Variants in LARP4B observed in about 807,000 individuals in gnomAD.
LARP4B encodes the protein La ribonucleoprotein 4B.
Under a neutral mutation model 89.8 loss-of-function variants are expected in LARP4B, and 12 were observed. The ratio of observed to expected loss-of-function variants is 0.13; its 90% CI spans 0.09 to 0.22. LARP4B has a LOEUF of 0.22. Ranked by LOEUF, LARP4B falls within the 10% of genes least tolerant of loss-of-function variation. The pLI is 1.00. For missense variants in LARP4B, 757 were observed against 947.7 expected, an observed-to-expected ratio of 0.80 and a Z score of 2.64; for synonymous variants, 367 against 363.3, an observed-to-expected ratio of 1.01 and a Z score of -0.12.
the LARP4B span, chr10:987,042 A>C: frequency 6.6e-6 from 1 of 152,256 alleles, no homozygotes; most frequent in Admixed American, 6.5e-5. Flanking sequence ...GGAACTGGCT[A>C]TATCAGAGTG....
At chr10:879,523 G>T (rs1835587160) in intron 3 of LARP4B, among the ~76,000 whole-genome samples, 1 of 152,138 alleles carries the variant, frequency 6.6e-6, no homozygotes, top group Non-Finnish European at 1.5e-5. Flanking sequence ...TTAGAGACAG[G>T]GTCTCCCTCT....
chr10:887,109 C>A (rs896668844), intron 1 of LARP4B, among the ~76,000 whole-genome samples: 12 of 150,228 alleles, frequency 8.0e-5, no homozygotes, highest in Admixed American at 1.3e-4. Flanking sequence ...CACACACACA[C>A]AAAATGGTGA....
At chr10:877,107 CA>C (rs1448385131) in intron 3 of LARP4B, among the ~76,000 whole-genome samples, 1 of 152,202 alleles carries the variant, frequency 6.6e-6, no homozygotes, top group Non-Finnish European at 1.5e-5. Context: ...GCTCATCTAC[CA>C]AAACCCTTCT....
At chr10:879,440 A>G (rs149889404) in intron 3 of LARP4B, among the ~76,000 whole-genome samples, 3 of 152,376 alleles carry the variant, frequency 2.0e-5, no homozygotes, top group Non-Finnish European at 4.4e-5. Flanking sequence ...ACATAGTAAC[A>G]AACATATTTC....
At chr10:851,675 T>C (rs1484840046) in intron 5 of LARP4B, among the ~76,000 whole-genome samples, 1 of 152,092 alleles carries the variant, frequency 6.6e-6, no homozygotes, top group Non-Finnish European at 1.5e-5. Flanking sequence ...ATAGACCAAA[T>C]CTTTGTAACT....
chr10:917,030 T>A (rs541076881), intron 1 of LARP4B, among the ~76,000 whole-genome samples: 77 of 152,264 alleles, frequency 5.1e-4, no homozygotes, highest in Middle Eastern at 3.4e-3. Context: ...TTCTGATAAT[T>A]TTGAAGACCA....
At chr10:883,078 GAA>G (rs1289114367) in intron 3 of LARP4B, among the ~76,000 whole-genome samples, 1 of 152,230 alleles carries the variant, frequency 6.6e-6, no homozygotes, top group Non-Finnish European at 1.5e-5. Flanking sequence ...ATGTTGGACT[GAA>G]AGTCAACCAC....
rs980697573 is a variant in LARP4B, at chr10:813,178, C to T, written c.1965G>A (p.Gln655=). Residue 655 remains glutamine (Q), a synonymous_variant, in exon 18 of 18, where the codon CAG becomes CAA. Transcript: ENST00000316157. ...LRKPSYAEIC[Q]RTSKEPPSSP... is the part of the protein sequence containing the mutation. ...AAGAAGGAGGCTCTTTACTCGTTCT[C>T]TGACAAATCTCTGCGTAGCTGGGCT... is the stretch of plus-strand genomic sequence containing the variant. 5.6e-6 allele frequency: 9 copies of T among 1,613,140 alleles called. No individual in the cohort carries two copies. The highest frequency in any genetic ancestry group is 6.8e-6 in the Non-Finnish European group (8 of 1,179,788).
the LARP4B span, among the ~76,000 whole-genome samples, chr10:954,714 C>T: frequency 5.9e-5 from 9 of 152,220 alleles, no homozygotes; most frequent in South Asian, 6.2e-4. This position sits in a 1 kb window ranked among gnomAD's most constrained non-coding sequence, Gnocchi z 5.0. Context: ...ACTGCTGGTG[C>T]GACACATGCA....
intron 5 of LARP4B, among the ~76,000 whole-genome samples, chr10:848,934 A>C (rs1457322690): frequency 2.0e-5 from 3 of 152,220 alleles, no homozygotes; most frequent in Non-Finnish European, 4.4e-5. Flanking sequence ...TGACTTTTAA[A>C]TAAAAATAAA....
upstream of LARP4B, among the ~76,000 whole-genome samples, chr10:934,427 C>T (rs1172390875): frequency 1.3e-5 from 2 of 151,956 alleles, no homozygotes; most frequent in Admixed American, 1.3e-4. Context: ...GAGGTTGAGG[C>T]TGCAGTGAGC....
intron 1 of LARP4B, among the ~76,000 whole-genome samples, chr10:891,292 C>T (rs141505270): frequency 1.3e-5 from 2 of 152,152 alleles, no homozygotes; most frequent in Non-Finnish European, 2.9e-5. Flanking sequence ...CAAAAGGAGA[C>T]GTAAGACACA....
Position 877,175 on chromosome 10 carries a change from T to A in LARP4B, c.141+7272A>T, listed in dbSNP as rs190617632. On this transcript the variant is annotated intron_variant, in intron 3 of 17. Coordinates refer to ENST00000316157, the MANE Select transcript of LARP4B (RefSeq NM_015155.3). ...TGATGGGGGAACAGCCTTAAAGATA[T>A]CTGAAATAGCCTCGCCAACACAGCA... is the stretch of plus-strand genomic sequence containing the variant. Among the ~76,000 whole-genome samples the A allele has an allele frequency of 1.8e-3, 277 of 152,188 alleles. 1 individual carries two copies. The highest frequency in any genetic ancestry group is 6.6e-3 in the African/African-American group (273 of 41,518).
At chr10:912,708 CAAAAAA>C (rs60998261) in intron 1 of LARP4B, among the ~76,000 whole-genome samples, 5 of 91,246 alleles carry the variant, frequency 5.5e-5, no homozygotes, top group Admixed American at 1.1e-4. Context: ...CTCGTCTTGA[CAAAAAA>C]AAAAAAAAAA....
At chr10:902,629 A>C (rs1836374227) in intron 1 of LARP4B, among the ~76,000 whole-genome samples, 1 of 150,890 alleles carries the variant, frequency 6.6e-6, no homozygotes, top group Admixed American at 6.7e-5. Flanking sequence ...TGAAGCAGAA[A>C]CATAAAATCT....
chr10:904,090 A>G (rs1209500120), intron 1 of LARP4B, among the ~76,000 whole-genome samples: 1 of 152,174 alleles, frequency 6.6e-6, no homozygotes, highest in Non-Finnish European at 1.5e-5. Context: ...ATGACATCAC[A>G]AGTGAAAAAT....
rs747348951 is a variant in LARP4B at position 825,752 on chromosome 10, C to T, written c.1232+12G>A. 2.5e-6 allele frequency: 4 copies of T among 1,602,742 alleles called. No homozygotes were observed. The highest frequency in any genetic ancestry group is 3.4e-6 in the Non-Finnish European group (4 of 1,170,652). On this transcript the variant is annotated intron_variant, in intron 12 of 17. Coordinates refer to ENST00000316157, the MANE Select transcript of LARP4B (RefSeq NM_015155.3). ...TAAAGACCAAAACTGCTAAGACCGC[C>T]CCGGAACTTGCCTGCTTCGAGGAGG...
At chr10:834,558 G>A (rs954878096) in intron 8 of LARP4B, among the ~76,000 whole-genome samples, 2 of 152,186 alleles carry the variant, frequency 1.3e-5, no homozygotes, top group African/African-American at 2.4e-5. Flanking sequence ...GGGAACTTAT[G>A]TTCTTACGTG....
intron 1 of LARP4B, among the ~76,000 whole-genome samples, chr10:889,896 C>T (rs189815097): frequency 6.7e-4 from 102 of 152,242 alleles, no homozygotes; most frequent in Non-Finnish European, 1.4e-3. Context: ...GAGCCGAGAT[C>T]GCCCCTAAAC....
Sources: allele counts gnomAD v4.1 joint callset (sites outside exome capture counted in the v4.1 genomes callset), GRCh38; gene constraint gnomAD v4.1.1; non-coding constraint Gnocchi (gnomAD v3.1); transcripts MANE v1.5; gene names NCBI Gene and HGNC (gene_info 2026-07-23, HGNC 2026-07-21).